GLUD1: variants seen among roughly 807,000 people sequenced by gnomAD.
GLUD1 encodes the protein glutamate dehydrogenase 1, mitochondrial.
Under a neutral mutation model 56.0 loss-of-function variants are expected in GLUD1, and 22 were observed. The observed-to-expected ratio is 0.39, with a 90% CI of 0.28 to 0.56. The LOEUF is 0.56. Among genes scored for constraint, GLUD1 ranks in the 20% least tolerant of loss-of-function variants. The probability of loss-of-function intolerance (pLI) is 0.58; values close to 1 mark genes in which losing one functional copy is unlikely to be tolerated. For synonymous variants in GLUD1, 223 were observed against 269.9 expected (o/e 0.83, Z 1.70); for missense variants, 451 against 732.0 (o/e 0.62, Z 4.43).
chr10:87,089,459 A>G, intron 1 of GLUD1: 1 of 183,410 alleles, frequency 5.5e-6, no homozygotes, highest in Non-Finnish European at 1.0e-5. Context: ...TCTTACATGC[A>G]TTGTTGCTAT....
At chr10:87,079,869 TATTA>T (rs1156573540) in intron 1 of GLUD1, among the ~76,000 whole-genome samples, 3 of 151,484 alleles carry the variant, frequency 2.0e-5, no homozygotes, top group African/African-American at 4.9e-5. Context: ...TAAAACAATG[TATTA>T]ATTAAGAACT....
rs1564766714 is a variant in GLUD1, at chr10:87,062,642, GTT to G, written c.921+12_921+13del. 1 of 1,603,542 alleles carries G rather than the reference GTT, an allele frequency of 6.2e-7. No homozygotes were observed. Among genetic ancestry groups the G allele is most frequent in the Admixed American group, 1.7e-5 (1 of 59,644 alleles). ...ATCAGTTATTAAGGAAACTTTTTTTGTTTTTGTTTTTACCTGAACAACAAATG... is the reference window on the plus strand; with the variant it reads ...ATCAGTTATTAAGGAAACTTTTTTTGTTTGTTTTTACCTGAACAACAAATG... On this transcript the variant is annotated intron_variant, in intron 6 of 12. Transcript: ENST00000277865.
intron 1 of GLUD1, among the ~76,000 whole-genome samples, chr10:87,082,766 C>G (rs1304033219): frequency 6.6e-6 from 1 of 152,094 alleles, no homozygotes; most frequent in Non-Finnish European, 1.5e-5. Context: ...AAAGTGCACC[C>G]ATTAATAAAA....
At chr10:87,089,763 A>C (rs1019138022) in intron 1 of GLUD1, 3 of 962,854 alleles carry the variant, frequency 3.1e-6, no homozygotes, top group Non-Finnish European at 3.7e-6. Flanking sequence ...GATAGTGAAC[A>C]CTTGAATCTG....
intron 9 of GLUD1, among the ~76,000 whole-genome samples, chr10:87,059,575 G>T (rs1017848950): frequency 1.8e-4 from 27 of 152,130 alleles, no homozygotes; most frequent in African/African-American, 6.5e-4. Context: ...AGACTAAATG[G>T]CTTGCCCACC....
rs547868219 is a variant in GLUD1, at chr10:87,058,104, G to A, written c.1403-322C>T. ...AGGATGGTCTCGACCTCCTGACCTC[G>A]TGATTCATCTGCCTTGGCCTCCCAA... is the stretch of plus-strand genomic sequence containing the variant. On this transcript the variant is annotated intron_variant, in intron 10 of 12. Transcript: ENST00000277865. Among the ~76,000 whole-genome samples the A allele has an allele frequency of 5.3e-5, 8 of 152,292 alleles. 2 individuals are homozygous for A. The highest frequency in any genetic ancestry group is 1.4e-4 in the African/African-American group (6 of 41,568).
chr10:87,090,770 C>T (rs1841493108), intron 1 of GLUD1, among the ~76,000 whole-genome samples: 1 of 152,194 alleles, frequency 6.6e-6, no homozygotes, highest in African/African-American at 2.4e-5. Flanking sequence ...CACACAGCCA[C>T]TTAAAAATAT....
intron 2 of GLUD1, among the ~76,000 whole-genome samples, chr10:87,076,282 AT>A (rs1231312236): frequency 6.6e-6 from 1 of 152,156 alleles, no homozygotes; most frequent in Non-Finnish European, 1.5e-5. Flanking sequence ...ATAATAGCTT[AT>A]TTACTCTCCT....
intron 11 of GLUD1, among the ~76,000 whole-genome samples, chr10:87,056,450 T>G (rs570225707): frequency 3.3e-5 from 5 of 151,940 alleles, no homozygotes; most frequent in Non-Finnish European, 4.4e-5. Context: ...CGTGCCACCA[T>G]GCCTGGCTAA....
chr10:87,093,508 C>T (rs796491559), intron 1 of GLUD1, among the ~76,000 whole-genome samples: 15 of 152,312 alleles, frequency 9.8e-5, no homozygotes, highest in African/African-American at 3.6e-4. Flanking sequence ...GACTACCAAA[C>T]ATTATCTGAC....
At chr10:87,067,633 T>A in intron 5 of GLUD1, 1 of 193,948 alleles carries the variant, frequency 5.2e-6, no homozygotes, top group Non-Finnish European at 1.1e-5. Context: ...GTTCATATTC[T>A]ACCCATTTTC....
At chr10:87,056,128 A>AC (rs1205492622) in intron 11 of GLUD1, among the ~76,000 whole-genome samples, 13 of 150,182 alleles carry the variant, frequency 8.7e-5, no homozygotes, top group African/African-American at 2.9e-4. Flanking sequence ...AAAAAAAAAA[A>AC]AAAAAAAAAA....
intron 4 of GLUD1, among the ~76,000 whole-genome samples, chr10:87,069,476 G>C (rs564251546): frequency 1.8e-3 from 270 of 148,686 alleles, no homozygotes; most frequent in Non-Finnish European, 3.3e-3. Flanking sequence ...GATCGCGCCA[G>C]TGCACTCTAG....
At chr10:87,093,875 A>C in intron 1 of GLUD1, 1 of 1,242,992 alleles carries the variant, frequency 8.0e-7, no homozygotes, top group Non-Finnish European at 1.1e-6. Flanking sequence ...CACTATTGGA[A>C]CAGGAGTGAA....
chr10:87,078,714 G>C (rs111628824), intron 1 of GLUD1, among the ~76,000 whole-genome samples: 343 of 152,224 alleles, frequency 2.3e-3, no homozygotes, highest in African/African-American at 7.8e-3. Flanking sequence ...TATCATGAAA[G>C]GACTCAAAGT....
chr10:87,056,752 C>A (rs1845786461), intron 11 of GLUD1, among the ~76,000 whole-genome samples: 1 of 152,076 alleles, frequency 6.6e-6, no homozygotes, highest in Admixed American at 6.5e-5. Context: ...CCAATCTACA[C>A]CGTCACTAGA....
chr10:87,084,069 G>A (rs1196938922), intron 1 of GLUD1, among the ~76,000 whole-genome samples: 2 of 152,196 alleles, frequency 1.3e-5, no homozygotes, highest in Non-Finnish European at 2.9e-5. Context: ...CCACCCTGCT[G>A]ACAAAGTAAT....
intron 10 of GLUD1, among the ~76,000 whole-genome samples, 159 bp downstream of exon 10, chr10:87,058,991 T>C (rs1484545004): frequency 1.3e-5 from 2 of 152,210 alleles, no homozygotes; most frequent in East Asian, 3.8e-4. Flanking sequence ...CAGAAAGACA[T>C]TGTGCATTTT....
At chr10:87,076,460 A>G (rs1846397282) in intron 2 of GLUD1, 116 bp downstream of exon 2, 1 of 765,074 alleles carries the variant, frequency 1.3e-6, no homozygotes, top group Non-Finnish European at 2.4e-6. Flanking sequence ...AAAGATTACA[A>G]CTTGAAAAAA....
Sources: gnomAD v4.1 joint callset for allele counts (sites outside exome capture counted in the v4.1 genomes callset) on GRCh38, gnomAD v4.1.1 for gene constraint, MANE v1.5 for transcripts, NCBI Gene and HGNC (gene_info 2026-07-23, HGNC 2026-07-21) for gene names.